CPAMD8: variants seen among roughly 807,000 people sequenced by gnomAD.
The protein encoded by CPAMD8 is C3 and PZP like alpha-2-macroglobulin domain containing 8.
CPAMD8 carries 146 observed loss-of-function variants against 224.7 expected under a neutral mutation model. That is an observed-to-expected ratio of 0.65 (90% CI 0.57 to 0.75). CPAMD8 has a LOEUF of 0.75. Ranked by LOEUF, CPAMD8 falls within the 30% of genes least tolerant of loss-of-function variation. CPAMD8 has a pLI of 0.00. For missense variants in CPAMD8, 2,301 were observed against 2,537.5 expected (o/e 0.91, Z 2.00); for synonymous variants, 966 against 1,044.6 (o/e 0.92, Z 1.45).
intron 23 of CPAMD8, among the ~76,000 whole-genome samples, chr19:16,933,490 A>C (rs1425458395): frequency 6.6e-6 from 1 of 152,218 alleles, no homozygotes; most frequent in African/African-American, 2.4e-5. Context: ...ATGCAATAAA[A>C]AAAGTACAAC....
intron 12 of CPAMD8, among the ~76,000 whole-genome samples, chr19:16,992,294 G>A (rs898609991): frequency 6.6e-6 from 1 of 152,112 alleles, no homozygotes; most frequent in African/African-American, 2.4e-5. Flanking sequence ...ACTGGGTATC[G>A]AAAATCAGAT....
At chr19:16,962,121 C>T (rs953698135) in intron 18 of CPAMD8, among the ~76,000 whole-genome samples, 64 of 152,278 alleles carry the variant, frequency 4.2e-4, no homozygotes, top group African/African-American at 1.3e-3. Context: ...TAAAAACCTG[C>T]GCGCCTCTTC....
rs778516705 is a variant in CPAMD8 at position 16,899,816 on chromosome 19, C to T, written c.4774-267G>A. Reference sequence around the variant, plus strand: ...GCCCCAAGCCCAGGTCAGGCTTCTCCGTGGCCAAAGAGGTGCCCGGCTGAG... The same window carrying T: ...GCCCCAAGCCCAGGTCAGGCTTCTCTGTGGCCAAAGAGGTGCCCGGCTGAG... On this transcript the variant is annotated intron_variant, in intron 36 of 41. Coordinates refer to ENST00000443236, the MANE Select transcript of CPAMD8 (RefSeq NM_015692.5). The surrounding 1 kb of genome is among the most constrained non-coding windows in gnomAD (Gnocchi z 5.4). Among the ~76,000 whole-genome samples, 12 of 152,142 alleles carry T rather than the reference C, an allele frequency of 7.9e-5. No individual in the cohort carries two copies. The highest frequency in any genetic ancestry group is 1.6e-4 in the Non-Finnish European group (11 of 68,024).
chr19:16,931,172 A>C (rs73525448), intron 23 of CPAMD8, among the ~76,000 whole-genome samples: 7,582 of 152,040 alleles, frequency 0.05, 638 homozygotes, highest in African/African-American at 0.17. Flanking sequence ...TCCACCAGAG[A>C]CCTAAGAATC....
intron 13 of CPAMD8, among the ~76,000 whole-genome samples, chr19:16,983,217 A>G (rs889931519): frequency 7.2e-5 from 11 of 152,146 alleles, no homozygotes; most frequent in African/African-American, 2.4e-4. Context: ...AGCCTCCCCA[A>G]CATGGGGAAA....
intron 18 of CPAMD8, among the ~76,000 whole-genome samples, chr19:16,963,632 A>G (rs1751620981): frequency 6.6e-6 from 1 of 152,216 alleles, no homozygotes; most frequent in South Asian, 2.1e-4. Context: ...TAGACAGATC[A>G]GTGAGACAGA....
rs1165277759 is a variant in CPAMD8, at chr19:16,929,173, G to T, written c.2913C>A (p.Thr971=). The change falls in exon 24 of 42, where the codon ACC becomes ACA. Residue 971 remains threonine, a synonymous_variant. Transcript: ENST00000443236. ...FQYVQRPLRL[T]RFDVAVRAHN... ...GAGCTCGCACAGCCACATCAAAGCG[G>T]GTGAGGCGCAGTGGCCGCTGCACAT... 2 of 1,614,072 alleles carry T rather than the reference G, an allele frequency of 1.2e-6. No homozygotes were observed. The highest frequency in any genetic ancestry group is 2.2e-5 in the East Asian group (1 of 44,882).
At chr19:16,986,732 A>G (rs2055734145) in intron 13 of CPAMD8, among the ~76,000 whole-genome samples, 1 of 152,000 alleles carries the variant, frequency 6.6e-6, no homozygotes, top group Non-Finnish European at 1.5e-5. Context: ...TAGGGGTGAC[A>G]TTTCTGCCAA....
intron 6 of CPAMD8, 91 bp downstream of exon 6, chr19:17,009,212 G>A: frequency 1.9e-6 from 3 of 1,609,062 alleles, no homozygotes; most frequent in South Asian, 1.1e-5. Context: ...CAACCCAGAA[G>A]GCAGACAGTG....
chr19:16,953,808 T>C (rs2054376769), intron 19 of CPAMD8, among the ~76,000 whole-genome samples: 1 of 152,070 alleles, frequency 6.6e-6, no homozygotes, highest in African/African-American at 2.4e-5. Context: ...GATTCAAAAA[T>C]GGGCAAATTA....
chr19:16,960,261 C>T (rs1367631440), intron 18 of CPAMD8, among the ~76,000 whole-genome samples: 2 of 152,048 alleles, frequency 1.3e-5, no homozygotes, highest in Non-Finnish European at 2.9e-5. Context: ...AAAAATGCTC[C>T]TATCCTTTCA....
intron 5 of CPAMD8, among the ~76,000 whole-genome samples, chr19:17,009,757 C>T (rs936117364): frequency 2.7e-5 from 4 of 150,558 alleles, no homozygotes; most frequent in African/African-American, 9.8e-5. Context: ...CTGGGTGACA[C>T]AGCGAGACTC....
chr19:16,969,578 C>A (rs1458000110), intron 18 of CPAMD8, among the ~76,000 whole-genome samples: 1 of 145,130 alleles, frequency 6.9e-6, no homozygotes, highest in Non-Finnish European at 1.6e-5. Context: ...GGGATTAGGG[C>A]CCTTATAAAA....
At position 16,896,168 on chromosome 19, in the gene CPAMD8, G is replaced by T; in HGVS notation, c.5426+8C>A. 1 of 1,613,618 alleles carries T rather than the reference G, an allele frequency of 6.2e-7. No individual in the cohort carries two copies. The highest frequency in any genetic ancestry group is 8.5e-7 in the Non-Finnish European group (1 of 1,179,886). On this transcript the variant is annotated splice_region_variant and intron_variant, in intron 41 of 41. Transcript: ENST00000443236. ...GTCTCTTATCTCTGGGGTGGGCCCA[G>T]CTGTTACCTGTCCTCCGCCTCCCCT...
intron 29 of CPAMD8, 129 bp from the exon 30 acceptor site, chr19:16,907,246 G>A (rs924875791): frequency 5.1e-6 from 6 of 1,183,388 alleles, no homozygotes; most frequent in Admixed American, 4.2e-5. Context: ...GCATCCTTCT[G>A]TGGCTCTCAC....
rs2054138581 is a variant in CPAMD8 at position 16,947,313 on chromosome 19, C to T, written c.2509-86G>A. 2.0e-6 allele frequency: 3 copies of T among 1,466,462 alleles called. No homozygotes were observed. The South Asian group carries it at 4.0e-5, about 19-fold the overall frequency. The allele number at this position is 1,466,462 out of a possible 1,614,324, so 90.8% of individuals were successfully genotyped here. A position where few individuals can be genotyped will look rare whatever the true frequency, so the allele number is the denominator to read the frequency against. The stretch of plus-strand genomic sequence containing the variant: ...GGCCCAACACACATCCCACCACTCA[C>T]TGCACACACCAGACTTGTCAGCCTC... On this transcript the variant is annotated intron_variant, in intron 20 of 41. Transcript: ENST00000443236.
intron 29 of CPAMD8, among the ~76,000 whole-genome samples, chr19:16,911,347 G>A (rs2052719270): frequency 1.3e-5 from 2 of 151,580 alleles, no homozygotes; most frequent in African/African-American, 4.8e-5. Context: ...TTTGCTGGCA[G>A]ACTCCTTTTT....
At chr19:16,928,855 G>T in intron 24 of CPAMD8, 87 bp downstream of exon 24, 2 of 1,133,760 alleles carry the variant, frequency 1.8e-6, no homozygotes, top group Non-Finnish European at 2.5e-6. Flanking sequence ...CCTGACCCTG[G>T]ATCAAAGCCT....
At chr19:16,900,769 T>G (rs569314629) in intron 36 of CPAMD8, among the ~76,000 whole-genome samples, 9 of 152,010 alleles carry the variant, frequency 5.9e-5, no homozygotes, top group Non-Finnish European at 1.2e-4. Flanking sequence ...CCCAGCACTT[T>G]GTGAGGCTGA....
Sources: gnomAD v4.1 joint callset for allele counts (sites outside exome capture counted in the v4.1 genomes callset) on GRCh38, gnomAD v4.1.1 for gene constraint, Gnocchi (gnomAD v3.1) non-coding constraint, MANE v1.5 for transcripts, NCBI Gene and HGNC (gene_info 2026-07-23, HGNC 2026-07-21) for gene names.